The following NCOA1 variants were observed in gnomAD, a reference collection of about 807,000 sequenced individuals.
NCOA1 encodes nuclear receptor coactivator 1, also known as Hin-2 protein.
NCOA1 carries 35 observed loss-of-function variants against 150.9 expected under a neutral mutation model. That is an observed-to-expected ratio of 0.23 (90% CI 0.18 to 0.31). NCOA1 has a LOEUF of 0.31. NCOA1 is among the 10% of genes least tolerant of loss of function. The pLI is 1.00. For missense variants in NCOA1, 1,491 were observed against 1,749.3 expected (o/e 0.85, Z 2.63); for synonymous variants, 590 against 630.0 (o/e 0.94, Z 0.95).
At chr2:24,762,231 T>C (rs1664826027) in intron 21 of NCOA1, among the ~76,000 whole-genome samples, 1 of 152,244 alleles carries the variant, frequency 6.6e-6, no homozygotes, top group African/African-American at 2.4e-5. Context: ...ATGTCTTCAG[T>C]GCCTTTTTTT....
chr2:24,643,087 TAAA>T (rs560263649), intron 3 of NCOA1, among the ~76,000 whole-genome samples: 24 of 152,280 alleles, frequency 1.6e-4, no homozygotes, highest in Admixed American at 1.5e-3. Flanking sequence ...CATAGAATTG[TAAA>T]AAAGACATAC....
intron 1 of NCOA1, among the ~76,000 whole-genome samples, chr2:24,537,311 T>A (rs1449553833): frequency 6.6e-6 from 1 of 151,044 alleles, no homozygotes; most frequent in Non-Finnish European, 1.5e-5. Flanking sequence ...AAAAAGAAGA[T>A]CCTGCCATTT....
chr2:24,540,934 G>A (rs1665366826), intron 1 of NCOA1, among the ~76,000 whole-genome samples: 1 of 152,212 alleles, frequency 6.6e-6, no homozygotes, highest in African/African-American at 2.4e-5. Flanking sequence ...GTTGAGTGGA[G>A]AGATGGTATT....
chr2:24,616,980 A>T (rs778066261), intron 3 of NCOA1, among the ~76,000 whole-genome samples: 5 of 152,198 alleles, frequency 3.3e-5, no homozygotes, highest in Non-Finnish European at 7.4e-5. Context: ...TGTGATGACA[A>T]ATCTTAGTAT....
intron 11 of NCOA1, among the ~76,000 whole-genome samples, chr2:24,698,691 TG>T (rs1248303735): frequency 6.6e-6 from 1 of 152,354 alleles, no homozygotes; most frequent in East Asian, 1.9e-4. Flanking sequence ...TAGTTTCTTT[TG>T]TAAGAATCTC....
intron 17 of NCOA1, among the ~76,000 whole-genome samples, chr2:24,734,747 G>GT (rs1558325207): frequency 1.3e-5 from 2 of 152,136 alleles, no homozygotes; most frequent in Non-Finnish European, 1.5e-5. Context: ...CAAGGCTGCA[G>GT]TGAGCTATGA....
chr2:24,537,565 G>A (rs2148185155), intron 1 of NCOA1, among the ~76,000 whole-genome samples: 1 of 152,040 alleles, frequency 6.6e-6, no homozygotes, highest in East Asian at 1.9e-4. Flanking sequence ...GTTACCACAG[G>A]TGGGATGTTG....
chr2:24,687,586 C>G (rs1253792373), intron 8 of NCOA1, among the ~76,000 whole-genome samples: 6 of 152,078 alleles, frequency 3.9e-5, no homozygotes, highest in Non-Finnish European at 8.8e-5. Flanking sequence ...AGAAAACTTA[C>G]AATCATGAGA....
At chr2:24,618,979 C>G (rs1403154132) in intron 3 of NCOA1, among the ~76,000 whole-genome samples, 2 of 152,236 alleles carry the variant, frequency 1.3e-5, no homozygotes, top group Middle Eastern at 6.8e-3. Flanking sequence ...TGTCTTTTCA[C>G]TTATGATTAA....
At chr2:24,586,988 A>G (rs535963463) in intron 3 of NCOA1, among the ~76,000 whole-genome samples, 1 of 151,744 alleles carries the variant, frequency 6.6e-6, no homozygotes, top group African/African-American at 2.4e-5. Flanking sequence ...ACTACCCTGG[A>G]CCCTTTCCCG....
At chr2:24,709,048 A>C (rs950943954) in intron 13 of NCOA1, among the ~76,000 whole-genome samples, 1 of 152,164 alleles carries the variant, frequency 6.6e-6, no homozygotes, top group Non-Finnish European at 1.5e-5. Flanking sequence ...TAGTAACACT[A>C]TTTTGACTGG....
intron 13 of NCOA1, among the ~76,000 whole-genome samples, chr2:24,708,252 C>T (rs1673561288): frequency 6.6e-6 from 1 of 152,102 alleles, no homozygotes; most frequent in Non-Finnish European, 1.5e-5. Flanking sequence ...TCTGGGAACC[C>T]CTGATGTAAA....
chr2:24,583,848 G>A (rs1667295713), intron 2 of NCOA1, among the ~76,000 whole-genome samples: 1 of 152,094 alleles, frequency 6.6e-6, no homozygotes, highest in South Asian at 2.1e-4. Context: ...AAAAATTTGA[G>A]CACGTATAAG....
chr2:24,534,005 T>C (rs1337123722), intron 1 of NCOA1, among the ~76,000 whole-genome samples: 2 of 152,218 alleles, frequency 1.3e-5, no homozygotes. Flanking sequence ...TGGAATAGTT[T>C]CAGAAGGAAT....
intron 1 of NCOA1, among the ~76,000 whole-genome samples, chr2:24,522,187 A>G (rs756654071): frequency 1.3e-5 from 2 of 152,128 alleles, no homozygotes; most frequent in Non-Finnish European, 2.9e-5. Flanking sequence ...TTTTCTCTTA[A>G]TCACTCACCA....
intron 2 of NCOA1, 132 bp downstream of exon 2, chr2:24,564,562 AC>A (rs1490854555): frequency 1.5e-4 from 23 of 152,242 alleles, no homozygotes. Flanking sequence ...AGAAGAGTTC[AC>A]TTCCCTCCTT....
At chr2:24,737,203 G>A (rs1663356434) in intron 17 of NCOA1, among the ~76,000 whole-genome samples, 1 of 152,162 alleles carries the variant, frequency 6.6e-6, no homozygotes. Context: ...GGAAGAAGTG[G>A]AACTTGACCT....
Position 24,706,656 on chromosome 2 carries a change from C to T in NCOA1, c.1186C>T (p.Pro396Ser), listed in dbSNP as rs150409799. 6.2e-7 allele frequency: 1 copy of T among 1,614,222 alleles called. No homozygotes were observed. The highest frequency in any genetic ancestry group is 8.5e-7 in the Non-Finnish European group (1 of 1,180,038). ...VNPSVNPSISPAHGVARSSTL... is the reference protein window; with the variant it reads ...VNPSVNPSISSAHGVARSSTL... ...TCCCTCGGTCAATCCTAGTATCTCT[C>T]CAGCTCATGGTGTGGCTCGTTCATC... Residue 396 changes from proline (P) to serine (S), a missense_variant, in exon 13 of 23, where the codon CCA (proline) becomes TCA (serine). By Grantham distance (74) the Pro-to-Ser change is moderately conservative. Transcript: ENST00000348332.
chr2:24,617,200 G>A (rs1369858195), intron 3 of NCOA1, among the ~76,000 whole-genome samples: 1 of 152,116 alleles, frequency 6.6e-6, no homozygotes, highest in Non-Finnish European at 1.5e-5. Flanking sequence ...GAATTTCAGG[G>A]CCCTTTGAGA....
Sources: allele counts gnomAD v4.1 joint callset (sites outside exome capture counted in the v4.1 genomes callset), GRCh38; gene constraint gnomAD v4.1.1; transcripts MANE v1.5; gene names NCBI Gene and HGNC (gene_info 2026-07-23, HGNC 2026-07-21).